Variants in TRIM44 observed in about 807,000 individuals in gnomAD.
The protein encoded by TRIM44 is tripartite motif containing 44, also known as tripartite motif-containing protein 44.
TRIM44 carries 13 observed loss-of-function variants against 37.4 expected under a neutral mutation model. The ratio of observed to expected loss-of-function variants is 0.35; its 90% CI spans 0.23 to 0.55. TRIM44 has a LOEUF of 0.55. Among genes scored for constraint, TRIM44 ranks in the 20% least tolerant of loss-of-function variants. TRIM44 has a pLI of 0.89. For missense variants in TRIM44, 426 were observed against 437.2 expected, an observed-to-expected ratio of 0.97 and a Z score of 0.23; for synonymous variants, 175 against 157.2, an observed-to-expected ratio of 1.11 and a Z score of -0.85.
At chr11:35,677,707 A>C (rs1404518648) in intron 1 of TRIM44, among the ~76,000 whole-genome samples, 1 of 152,206 alleles carries the variant, frequency 6.6e-6, no homozygotes, top group Non-Finnish European at 1.5e-5. Flanking sequence ...TTGAAGGCTT[A>C]AAATTTGCCA....
chr11:35,773,758 G>T (rs138514863), intron 4 of TRIM44, among the ~76,000 whole-genome samples: 4,338 of 152,280 alleles, frequency 0.028, 97 homozygotes, highest in South Asian at 0.12. Flanking sequence ...TGCTCAGAAT[G>T]ATGGTTTCCA....
intron 4 of TRIM44, among the ~76,000 whole-genome samples, chr11:35,747,574 C>G (rs1230235794): frequency 1.3e-5 from 2 of 152,144 alleles, no homozygotes; most frequent in Non-Finnish European, 2.9e-5. Flanking sequence ...GACAAGCCAA[C>G]AGGGATTTGG....
At chr11:35,700,991 G>T (rs1851780934) in intron 2 of TRIM44, among the ~76,000 whole-genome samples, 1 of 152,150 alleles carries the variant, frequency 6.6e-6, no homozygotes, top group South Asian at 2.1e-4. Flanking sequence ...TTCAGTAGTT[G>T]TAAGATTTTT....
At chr11:35,725,209 A>G (rs1243106178) in intron 2 of TRIM44, among the ~76,000 whole-genome samples, 1 of 152,144 alleles carries the variant, frequency 6.6e-6, no homozygotes, top group East Asian at 1.9e-4. Flanking sequence ...TATTTTCCCT[A>G]TGATTCATTT....
At chr11:35,671,780 C>T (rs1275472259) in intron 1 of TRIM44, among the ~76,000 whole-genome samples, 1 of 152,180 alleles carries the variant, frequency 6.6e-6, no homozygotes, top group East Asian at 1.9e-4. Context: ...AAGTACTGTT[C>T]TTTCTTTTCT....
intron 3 of TRIM44, among the ~76,000 whole-genome samples, chr11:35,727,185 T>C (rs1056836588): frequency 6.6e-6 from 1 of 151,760 alleles, no homozygotes; most frequent in Admixed American, 6.6e-5. Context: ...AAAAAACTTA[T>C]ATTTCAGCCA....
At chr11:35,754,094 C>T (rs917756310) in intron 4 of TRIM44, among the ~76,000 whole-genome samples, 1 of 151,830 alleles carries the variant, frequency 6.6e-6, no homozygotes, top group African/African-American at 2.4e-5. Context: ...TACTAAGTGA[C>T]TAGTAAGTAC....
chr11:35,807,400 A>G lies in TRIM44; in HGVS notation c.*1015A>G, dbSNP rs1853466029. 6.6e-6 allele frequency: 1 copy of G among 151,826 alleles called. No individual in the cohort carries two copies. The highest frequency in any genetic ancestry group is 2.4e-5 in the African/African-American group (1 of 41,316). The allele number at this position is 151,826 out of a possible 1,614,324, so 9.4% of individuals were successfully genotyped here. On this transcript the variant is annotated 3_prime_UTR_variant, in exon 5 of 5. Coordinates refer to ENST00000299413, the MANE Select transcript of TRIM44 (RefSeq NM_017583.6). ...ATATCCTCCTTTAACTCCGACCAGA[A>G]CCCTTCTTCCTGTGGCACTCCCCAC...
At chr11:35,709,260 T>C (rs905164214) in intron 2 of TRIM44, among the ~76,000 whole-genome samples, 6 of 152,210 alleles carry the variant, frequency 3.9e-5, no homozygotes, top group African/African-American at 1.4e-4. Flanking sequence ...TGTGAGACTT[T>C]GCTGCCTCCT....
intron 1 of TRIM44, among the ~76,000 whole-genome samples, chr11:35,669,763 G>A (rs944826313): frequency 6.6e-6 from 1 of 152,012 alleles, no homozygotes; most frequent in African/African-American, 2.4e-5. Flanking sequence ...ATAGGCATAA[G>A]CCACCACACC....
intron 4 of TRIM44, among the ~76,000 whole-genome samples, chr11:35,799,785 TTGAGTAAGCCCTC>T (rs1853341591): frequency 6.6e-6 from 1 of 152,188 alleles, no homozygotes; most frequent in Non-Finnish European, 1.5e-5. Flanking sequence ...TTGTGGAACA[TTGAGTAAGCCCTC>T]TGTGAATAGT....
intron 4 of TRIM44, among the ~76,000 whole-genome samples, chr11:35,775,409 C>G (rs1222980251): frequency 6.6e-6 from 1 of 152,202 alleles, no homozygotes; most frequent in East Asian, 1.9e-4. Flanking sequence ...ATCATATTAT[C>G]TGCAAACAGG....
chr11:35,790,356 C>G (rs1352423256), intron 4 of TRIM44, among the ~76,000 whole-genome samples: 1 of 152,176 alleles, frequency 6.6e-6, no homozygotes, highest in Non-Finnish European at 1.5e-5. Flanking sequence ...TATGGGAGAT[C>G]TTTTGAAAGT....
At chr11:35,761,401 C>CTATATA (rs776443924) in intron 4 of TRIM44, among the ~76,000 whole-genome samples, 2 of 67,014 alleles carry the variant, frequency 3.0e-5, no homozygotes, top group Admixed American at 2.8e-4. Flanking sequence ...CTCTCTCTCT[C>CTATATA]TCTCTATATA....
chr11:35,758,464 C>T (rs1444812475), intron 4 of TRIM44, among the ~76,000 whole-genome samples: 1 of 152,116 alleles, frequency 6.6e-6, no homozygotes. Flanking sequence ...GTTTGCCAGT[C>T]TGTGTCTTTT....
At chr11:35,756,278 G>C (rs1160090953) in intron 4 of TRIM44, among the ~76,000 whole-genome samples, 1 of 152,076 alleles carries the variant, frequency 6.6e-6, no homozygotes, top group Non-Finnish European at 1.5e-5. Flanking sequence ...TTGTGAATGG[G>C]AGTTCACTCA....
intron 2 of TRIM44, among the ~76,000 whole-genome samples, chr11:35,685,917 C>T (rs1023748143): frequency 6.6e-6 from 1 of 152,186 alleles, no homozygotes; most frequent in Non-Finnish European, 1.5e-5. Context: ...CCTCCTCGTC[C>T]TCCCAAAGTG....
intron 4 of TRIM44, among the ~76,000 whole-genome samples, chr11:35,752,442 A>C (rs557366836): frequency 6.6e-6 from 1 of 152,122 alleles, no homozygotes; most frequent in Non-Finnish European, 1.5e-5. Flanking sequence ...AGAACACTGC[A>C]CTATGAATTA....
chr11:35,735,560 T>G, intron 4 of TRIM44, 115 bp downstream of exon 4: 96 of 1,022,722 alleles, frequency 9.4e-5, no homozygotes, highest in Middle Eastern at 2.0e-4. Flanking sequence ...AAGGGATCTC[T>G]ATCTTAAGCC....
Sources: gnomAD v4.1 joint callset for allele counts (sites outside exome capture counted in the v4.1 genomes callset) on GRCh38, gnomAD v4.1.1 for gene constraint, MANE v1.5 for transcripts, NCBI Gene and HGNC (gene_info 2026-07-23, HGNC 2026-07-21) for gene names.